The following ZNF704 variants were observed in gnomAD, a reference collection of about 807,000 sequenced individuals.
The protein encoded by ZNF704 is glucocorticoid induced gene 1.
In ZNF704, 10 loss-of-function variants were observed where a neutral mutation model predicts 44.7. That is an observed-to-expected ratio of 0.22 (90% CI 0.14 to 0.38). The LOEUF (loss-of-function observed/expected upper bound fraction) is 0.38. Ranked by LOEUF, ZNF704 falls within the 10% of genes least tolerant of loss-of-function variation. The pLI, the probability that ZNF704 is intolerant of heterozygous loss-of-function variation, is 1.00. For synonymous variants in ZNF704, 211 were observed against 207.6 expected (o/e 1.02, Z -0.14); for missense variants, 390 against 545.5 (o/e 0.71, Z 2.84).
intron 4 of ZNF704, among the ~76,000 whole-genome samples, chr8:80,684,377 A>C (rs775692590): frequency 2.0e-5 from 3 of 152,208 alleles, no homozygotes; most frequent in Admixed American, 6.5e-5. Flanking sequence ...AGTGTATTCT[A>C]TTCTGTTTTA....
At chr8:80,763,058 G>A (rs1469138709) in intron 2 of ZNF704, among the ~76,000 whole-genome samples, 1 of 152,240 alleles carries the variant, frequency 6.6e-6, no homozygotes, top group Non-Finnish European at 1.5e-5. Flanking sequence ...TGCCCCTGTG[G>A]CTTTGCAGGG....
chr8:80,666,841 G>A (rs1270120549), intron 5 of ZNF704, among the ~76,000 whole-genome samples: 9 of 151,170 alleles, frequency 6.0e-5, no homozygotes, highest in African/African-American at 2.2e-4. Flanking sequence ...ATTTGTTGGA[G>A]TTCATTGTAG....
At chr8:80,695,092 C>G (rs963542655) in intron 2 of ZNF704, among the ~76,000 whole-genome samples, 5 of 152,220 alleles carry the variant, frequency 3.3e-5, no homozygotes, top group Non-Finnish European at 5.9e-5. Context: ...AAAGGTAAAG[C>G]CATTTTCTTA....
At chr8:80,742,346 G>T (rs957008690) in intron 2 of ZNF704, among the ~76,000 whole-genome samples, 1 of 152,138 alleles carries the variant, frequency 6.6e-6, no homozygotes, top group Admixed American at 6.5e-5. Context: ...CCTCAGGATG[G>T]CTAGCCACGA....
At chr8:80,731,445 T>A (rs1273975837) in intron 2 of ZNF704, among the ~76,000 whole-genome samples, 1 of 152,178 alleles carries the variant, frequency 6.6e-6, no homozygotes, top group Non-Finnish European at 1.5e-5. Flanking sequence ...TCATGATGTA[T>A]TTAAAGAAAA....
intron 2 of ZNF704, among the ~76,000 whole-genome samples, chr8:80,733,490 T>TTAAAACTGATTTGAAGTTGAG (rs1424055173): frequency 6.6e-6 from 1 of 152,206 alleles, no homozygotes; most frequent in Non-Finnish European, 1.5e-5. Context: ...ATTTCAAGGA[T>TTAAAACTGATTTGAAGTTGAG]TAAAACTGAT....
intron 1 of ZNF704, among the ~76,000 whole-genome samples, chr8:80,870,739 C>A (rs1809237929): frequency 6.6e-6 from 1 of 152,080 alleles, no homozygotes; most frequent in African/African-American, 2.4e-5. Context: ...TGGCCCCCTG[C>A]ACTCCCTTAA....
At chr8:80,668,480 G>A (rs559187374) in intron 5 of ZNF704, among the ~76,000 whole-genome samples, 1 of 152,266 alleles carries the variant, frequency 6.6e-6, no homozygotes, top group East Asian at 1.9e-4. Flanking sequence ...TACCATTAAA[G>A]ACCCCAGAGA....
intron 2 of ZNF704, among the ~76,000 whole-genome samples, chr8:80,719,112 C>T (rs866180741): frequency 7.9e-5 from 12 of 152,030 alleles, no homozygotes; most frequent in Non-Finnish European, 1.8e-4. Flanking sequence ...ACTACAGGTA[C>T]GTGCCACCAT....
chr8:80,648,791 G>T (rs964729585), intron 7 of ZNF704, among the ~76,000 whole-genome samples: 6 of 152,128 alleles, frequency 3.9e-5, no homozygotes, highest in African/African-American at 1.4e-4. Flanking sequence ...ATGAGAAAAT[G>T]GAGAAGTTAA....
intron 1 of ZNF704, among the ~76,000 whole-genome samples, chr8:80,834,056 C>T (rs1244709585): frequency 6.6e-6 from 1 of 151,910 alleles, no homozygotes; most frequent in Admixed American, 6.6e-5. Flanking sequence ...TAGCTGGGCA[C>T]GGTGGTATAT....
chr8:80,659,193 T>C (rs963002050), intron 7 of ZNF704, among the ~76,000 whole-genome samples: 1 of 152,228 alleles, frequency 6.6e-6, no homozygotes, highest in African/African-American at 2.4e-5. Flanking sequence ...CAAAATGACA[T>C]ACGTACAGAA....
In ZNF704 at chr8:80,641,303, C is replaced by A; in HGVS notation, c.*63G>T. ...TCAGTAGGAAAAGCTCTTTCCAACA[C>A]CTGCAGTGGCAGGCCAGGGCAGGAG... On this transcript the variant is annotated 3_prime_UTR_variant, in exon 9 of 9. Transcript: ENST00000327835. The A allele has an allele frequency of 8.7e-7, 1 of 1,154,376 alleles. No individual in the cohort carries two copies. Among genetic ancestry groups the A allele is most frequent in the Admixed American group, 2.3e-5 (1 of 42,832 alleles). 71.5% of individuals were successfully genotyped at this position (1,154,376 alleles called of 1,614,324 possible). A position where few individuals can be genotyped will look rare whatever the true frequency, so the allele number is the denominator to read the frequency against.
chr8:80,686,996 T>C (rs1170985724), intron 4 of ZNF704, among the ~76,000 whole-genome samples: 1 of 152,202 alleles, frequency 6.6e-6, no homozygotes, highest in South Asian at 2.1e-4. Flanking sequence ...AGAGGATGGA[T>C]GGGATACGTG....
intron 1 of ZNF704, among the ~76,000 whole-genome samples, chr8:80,859,893 C>T (rs1039737220): frequency 1.3e-5 from 2 of 152,160 alleles, no homozygotes; most frequent in Non-Finnish European, 2.9e-5. Context: ...CATTTATATA[C>T]ATGTATTTAA....
chr8:80,645,798 A>C (rs1036065628), intron 7 of ZNF704, among the ~76,000 whole-genome samples: 1 of 152,222 alleles, frequency 6.6e-6, no homozygotes, highest in African/African-American at 2.4e-5. Context: ...ATAGCAATGC[A>C]AGTATGGCCT....
At chr8:80,838,305 T>C (rs1381167611) in intron 1 of ZNF704, among the ~76,000 whole-genome samples, 1 of 152,190 alleles carries the variant, frequency 6.6e-6, no homozygotes, top group Non-Finnish European at 1.5e-5. Context: ...TTTAGGCAAG[T>C]TGGAGAATAT....
chr8:80,856,989 A>G (rs1308260992), intron 1 of ZNF704, among the ~76,000 whole-genome samples: 1 of 152,194 alleles, frequency 6.6e-6, no homozygotes, highest in Non-Finnish European at 1.5e-5. Flanking sequence ...AACATAGTAT[A>G]TCAATTCATT....
Position 80,645,042 on chromosome 8 carries a change from C to T in ZNF704, c.1033-1913G>A, listed in dbSNP as rs935657127. The T allele has an allele frequency of 2.0e-5, 27 of 1,335,616 alleles. No individual in the cohort carries two copies. The Admixed American group carries it at 4.5e-4, about 22-fold the overall frequency. The allele number at this position is 1,335,616 out of a possible 1,614,324, so 82.7% of individuals were successfully genotyped here. On this transcript the variant is annotated intron_variant, in intron 7 of 8. Coordinates refer to ENST00000327835, the MANE Select transcript of ZNF704 (RefSeq NM_001033723.3). ...CTGACTCTGCTGAATGCCAAGATTCCTCCATTCAGATTCAGACATCAAATG... is the reference window on the plus strand; with the variant it reads ...CTGACTCTGCTGAATGCCAAGATTCTTCCATTCAGATTCAGACATCAAATG...
Sources: allele counts gnomAD v4.1 joint callset (sites outside exome capture counted in the v4.1 genomes callset), GRCh38; gene constraint gnomAD v4.1.1; transcripts MANE v1.5; gene names NCBI Gene and HGNC (gene_info 2026-07-23, HGNC 2026-07-21).